The following EYS variants were observed in gnomAD, a reference collection of about 807,000 sequenced individuals.
The protein encoded by EYS is EGF-like photoreceptor maintenance factor, also known as protein eyes shut homolog.
Under a neutral mutation model 282.1 loss-of-function variants are expected in EYS, and 250 were observed. The observed-to-expected ratio is 0.89, with a 90% confidence interval of 0.80 to 0.98. The LOEUF is 0.98. EYS is among the 50% of genes least tolerant of loss of function. The pLI, the probability that EYS is intolerant of heterozygous loss-of-function variation, is 0.00. For synonymous variants in EYS, 1,355 were observed against 1,282.9 expected (o/e 1.06, Z -1.20); for missense variants, 4,016 against 3,709.0 (o/e 1.08, Z -2.15).
chr6:65,690,547 C>G (rs775542611), intron 1 of EYS, among the ~76,000 whole-genome samples: 1 of 149,462 alleles, frequency 6.7e-6, no homozygotes, highest in African/African-American at 2.4e-5. Context: ...AAGCACATCA[C>G]GCGCTGTTGG....
In EYS at chr6:65,311,767, G is replaced by A. The variant is rs577248879; in HGVS notation, c.1767-15648C>T. Among the ~76,000 whole-genome samples the A allele has an allele frequency of 3.4e-4, 52 of 152,216 alleles. No individual in the cohort carries two copies. In the Middle Eastern group the frequency reaches 0.01, roughly 30 times the overall value. The stretch of plus-strand genomic sequence containing the variant: ...TGTCCCTTTGATTTTCTGTTTAGTA[G>A]GCTCTCCAAATTATCACTCATTATG... On this transcript the variant is annotated intron_variant, in intron 11 of 42. Transcript: ENST00000503581.
intron 1 of EYS, among the ~76,000 whole-genome samples, chr6:65,667,383 T>C (rs1254891619): frequency 1.3e-5 from 2 of 151,912 alleles, no homozygotes; most frequent in Non-Finnish European, 2.9e-5. Context: ...CTTATTTGGC[T>C]TCACCCATAA....
intron 29 of EYS, among the ~76,000 whole-genome samples, chr6:64,329,389 C>G (rs1770554863): frequency 6.6e-6 from 1 of 152,136 alleles, no homozygotes; most frequent in African/African-American, 2.4e-5. Flanking sequence ...GGGGACATGA[C>G]TCTAAACCTA....
chr6:64,873,280 G>A (rs1014887810), intron 19 of EYS, among the ~76,000 whole-genome samples: 1 of 152,026 alleles, frequency 6.6e-6, no homozygotes, highest in African/African-American at 2.4e-5. Flanking sequence ...TCACTATCAT[G>A]AGAACTGCAC....
intron 36 of EYS, among the ~76,000 whole-genome samples, chr6:63,842,013 G>A (rs1358291123): frequency 6.6e-6 from 1 of 152,118 alleles, no homozygotes; most frequent in Non-Finnish European, 1.5e-5. Flanking sequence ...ATCATTGATG[G>A]GCATTCAGGT....
At chr6:64,703,278 G>T (rs747025535) in intron 22 of EYS, among the ~76,000 whole-genome samples, 9 of 149,846 alleles carry the variant, frequency 6.0e-5, no homozygotes, top group Non-Finnish European at 8.9e-5. Flanking sequence ...TATCCTTGTT[G>T]TATTGAAATA....
intron 21 of EYS, among the ~76,000 whole-genome samples, chr6:64,817,748 C>T (rs551384257): frequency 6.6e-6 from 1 of 152,108 alleles, no homozygotes; most frequent in Non-Finnish European, 1.5e-5. Flanking sequence ...TTTATGGCCT[C>T]CAGCTGCATC....
Position 64,390,668 on chromosome 6 carries a change from T to C in EYS, c.5928-1828A>G, listed in dbSNP as rs577920613. 3.4e-5 allele frequency among the ~76,000 whole-genome samples: 5 copies of C among 148,442 alleles called. No individual in the cohort carries two copies. The South Asian group carries it at 1.1e-3, about 32-fold the overall frequency. On this transcript the variant is annotated intron_variant, in intron 28 of 42. Coordinates refer to ENST00000503581, the MANE Select transcript of EYS (RefSeq NM_001142800.2). ...CCAAAAGTAGATAAAACCACAAAGA[T>C]GGGGAAAAAACAGAACACAAAAACT...
intron 22 of EYS, among the ~76,000 whole-genome samples, chr6:64,713,560 G>T (rs1771278725): frequency 6.6e-6 from 1 of 152,058 alleles, no homozygotes; most frequent in African/African-American, 2.4e-5. Context: ...ACTCCTTAAG[G>T]CATCAGCAGC....
intron 22 of EYS, among the ~76,000 whole-genome samples, chr6:64,766,226 C>G: frequency 6.6e-6 from 1 of 151,752 alleles, no homozygotes; most frequent in East Asian, 2.0e-4. Context: ...CTGCACTGGC[C>G]CCTCCCCTTC....
At chr6:65,209,633 C>A (rs78198267) in intron 12 of EYS, among the ~76,000 whole-genome samples, 6,394 of 151,912 alleles carry the variant, frequency 0.042, 185 homozygotes, top group Middle Eastern at 0.065. Context: ...ATGGAACATA[C>A]ATGTTTGTGG....
At chr6:63,782,779 T>C (rs1451178140) in intron 39 of EYS, among the ~76,000 whole-genome samples, 3 of 152,192 alleles carry the variant, frequency 2.0e-5, no homozygotes, top group African/African-American at 7.2e-5. Flanking sequence ...TAGTTATTTA[T>C]TGCCTTCTGC....
intron 11 of EYS, among the ~76,000 whole-genome samples, chr6:65,318,295 G>A (rs1350468160): frequency 3.3e-5 from 5 of 151,670 alleles, no homozygotes; most frequent in Admixed American, 1.3e-4. Context: ...GAGAGAGAGC[G>A]ACAAAGACAC....
chr6:65,675,394 G>A (rs916491478), intron 1 of EYS, among the ~76,000 whole-genome samples: 4 of 151,828 alleles, frequency 2.6e-5, no homozygotes, highest in Non-Finnish European at 5.9e-5. Context: ...CTTTAAGGAT[G>A]CACATAGGTT....
At chr6:65,145,908 G>A (rs374371604) in intron 12 of EYS, among the ~76,000 whole-genome samples, 2 of 151,524 alleles carry the variant, frequency 1.3e-5, no homozygotes, top group Non-Finnish European at 3.0e-5. Flanking sequence ...AATATGACTA[G>A]GTTTAAAAAA....
At chr6:65,649,404 T>C (rs1309802140) in intron 1 of EYS, among the ~76,000 whole-genome samples, 1 of 152,114 alleles carries the variant, frequency 6.6e-6, no homozygotes, top group Non-Finnish European at 1.5e-5. Context: ...CACATCCATG[T>C]GCATTTGTAA....
At chr6:63,736,480 G>A (rs1304249731) in intron 41 of EYS, among the ~76,000 whole-genome samples, 4 of 151,352 alleles carry the variant, frequency 2.6e-5, no homozygotes, top group Admixed American at 2.6e-4. Flanking sequence ...TGCTGTTTTG[G>A]TTACTGTAGC....
At chr6:64,278,012 A>G (rs536469668) in intron 30 of EYS, among the ~76,000 whole-genome samples, 2 of 152,304 alleles carry the variant, frequency 1.3e-5, no homozygotes, top group African/African-American at 4.8e-5. Flanking sequence ...TAAAGGCCTA[A>G]TTATCTTTTA....
intron 19 of EYS, among the ~76,000 whole-genome samples, chr6:64,858,337 A>G (rs754565781): frequency 3.3e-5 from 5 of 152,104 alleles, no homozygotes; most frequent in Admixed American, 6.6e-5. Context: ...TTCCAGCATC[A>G]CTGATTGGGG....
Sources: gnomAD v4.1 joint callset for allele counts (sites outside exome capture counted in the v4.1 genomes callset) on GRCh38, gnomAD v4.1.1 for gene constraint, MANE v1.5 for transcripts, NCBI Gene and HGNC (gene_info 2026-07-23, HGNC 2026-07-21) for gene names.